The following LRP2 variants were observed in gnomAD, a reference collection of about 807,000 sequenced individuals.
LRP2 encodes the protein low-density lipoprotein receptor-related protein 2.
Under a neutral mutation model 531.0 loss-of-function variants are expected in LRP2, and 172 were observed. The ratio of observed to expected loss-of-function variants is 0.32; its 90% CI spans 0.29 to 0.37. LRP2 has a LOEUF of 0.37. Among genes scored for constraint, LRP2 ranks in the 10% least tolerant of loss-of-function variants. LRP2 has a pLI of 1.00. For synonymous variants in LRP2, 1,992 were observed against 2,027.6 expected (o/e 0.98, Z 0.47); for missense variants, 5,167 against 5,868.3 (o/e 0.88, Z 3.90).
Position 169,275,107 on chromosome 2 carries a change from G to T in LRP2, c.1904C>A (p.Pro635Gln). ...CAGGGAAGCCTGGTAGTACACTTGT[G>T]GGTTGGTCTCTGTGAACTTGTTTGC... ...LKANKFTETN[P>Q]QVYYQASLRP... Residue 635 changes from proline to glutamine, a missense_variant, in exon 14 of 79, where the codon CCA becomes CAA. Coordinates refer to ENST00000649046, the MANE Select transcript of LRP2 (RefSeq NM_004525.3). 1 of 1,613,762 alleles carries T rather than the reference G, an allele frequency of 6.2e-7. No individual in the cohort carries two copies. Among genetic ancestry groups the T allele is most frequent in the Non-Finnish European group, 8.5e-7 (1 of 1,179,856 alleles).
intron 13 of LRP2, among the ~76,000 whole-genome samples, chr2:169,275,625 G>A (rs554263890): frequency 6.6e-6 from 1 of 152,144 alleles, no homozygotes; most frequent in Non-Finnish European, 1.5e-5. Context: ...TTGGAAGTCT[G>A]GGAAAAGATG....
At chr2:169,323,152 T>C (rs1684948831) in intron 1 of LRP2, among the ~76,000 whole-genome samples, 1 of 152,228 alleles carries the variant, frequency 6.6e-6, no homozygotes, top group African/African-American at 2.4e-5. Flanking sequence ...CTAATTTTTA[T>C]AGGTAGTGAT....
At chr2:169,360,973 G>A (rs915295565) in intron 1 of LRP2, among the ~76,000 whole-genome samples, 1 of 152,146 alleles carries the variant, frequency 6.6e-6, no homozygotes, top group Non-Finnish European at 1.5e-5. Flanking sequence ...TCACTCCTCC[G>A]TAAATGGGGG....
At chr2:169,280,307 T>C (rs1475991834) in intron 11 of LRP2, 43 bp downstream of exon 11, 4 of 1,610,898 alleles carry the variant, frequency 2.5e-6, no homozygotes, top group South Asian at 1.1e-5. Flanking sequence ...CTATCAACAC[T>C]TTGTGCTCAG....
chr2:169,159,947 C>T (rs1002529956), intron 63 of LRP2, among the ~76,000 whole-genome samples: 22 of 152,154 alleles, frequency 1.4e-4, no homozygotes, highest in African/African-American at 5.3e-4. Context: ...AGAAACCACA[C>T]GACACTGTAG....
chr2:169,347,600 AG>A (rs1009868473), intron 1 of LRP2, among the ~76,000 whole-genome samples: 5 of 151,602 alleles, frequency 3.3e-5, no homozygotes, highest in African/African-American at 1.2e-4. Context: ...AAAAAAAAAA[AG>A]GTGTTCCCAG....
intron 32 of LRP2, 120 bp downstream of exon 32, chr2:169,226,302 A>T: frequency 2.5e-6 from 2 of 815,564 alleles, no homozygotes; most frequent in African/African-American, 1.7e-5. Context: ...TTAGGGATAA[A>T]TTTATTTCCA....
At chr2:169,236,213 T>C (rs1478872343) in intron 28 of LRP2, 145 bp from the exon 29 acceptor site, 5 of 719,684 alleles carry the variant, frequency 6.9e-6, no homozygotes, top group Non-Finnish European at 1.2e-5. Context: ...AGTTTATTGT[T>C]TCCTCTAAGT....
At chr2:169,226,019 G>A (rs1181363314) in intron 32 of LRP2, among the ~76,000 whole-genome samples, 1 of 152,140 alleles carries the variant, frequency 6.6e-6, no homozygotes, top group African/African-American at 2.4e-5. Flanking sequence ...TTTATCTTGA[G>A]TTTTGATCAT....
intron 16 of LRP2, among the ~76,000 whole-genome samples, chr2:169,268,520 C>A (rs999834588): frequency 1.3e-5 from 2 of 152,166 alleles, no homozygotes; most frequent in Admixed American, 6.5e-5. Flanking sequence ...ATGATTATCT[C>A]AATAGATGCA....
chr2:169,229,015 C>T (rs886558723), intron 31 of LRP2, among the ~76,000 whole-genome samples: 2 of 152,196 alleles, frequency 1.3e-5, no homozygotes, highest in African/African-American at 2.4e-5. Context: ...TACTGAGTGC[C>T]ACCATGTACC....
intron 63 of LRP2, among the ~76,000 whole-genome samples, chr2:169,161,048 A>G (rs1208013726): frequency 6.6e-6 from 1 of 152,232 alleles, no homozygotes; most frequent in East Asian, 1.9e-4. Context: ...ACTAAGTCAC[A>G]GGCTCCTAGA....
At chr2:169,265,828 CCAG>C (rs1293075324) in intron 16 of LRP2, among the ~76,000 whole-genome samples, 6 of 151,838 alleles carry the variant, frequency 4.0e-5, no homozygotes, top group Non-Finnish European at 5.9e-5. Flanking sequence ...AACAGAAGTT[CCAG>C]CACAGGGGAG....
At chr2:169,328,272 G>C (rs1272911982) in intron 1 of LRP2, among the ~76,000 whole-genome samples, 2 of 116,730 alleles carry the variant, frequency 1.7e-5, no homozygotes, top group East Asian at 2.4e-4. Flanking sequence ...CAGCCGCCCC[G>C]TCCGGGAGGG....
At chr2:169,209,383 C>T in intron 38 of LRP2, 70 bp downstream of exon 38, 1 of 1,509,224 alleles carries the variant, frequency 6.6e-7, no homozygotes, top group Non-Finnish European at 9.2e-7. Context: ...TGGAGTTAGG[C>T]TAAACTTTCT....
rs141830741 is a variant in LRP2 at position 169,205,873 on chromosome 2, C to T, written c.7556+150G>A. On this transcript the variant is annotated intron_variant, in intron 40 of 78. Transcript: ENST00000649046. Reference sequence around the variant, plus strand: ...GCTATGCGCTGCACCCTCCTTCCCACGTAAAATCACTCAATATGCTTTCAT... The same window carrying T: ...GCTATGCGCTGCACCCTCCTTCCCATGTAAAATCACTCAATATGCTTTCAT... 1,125 of 1,138,672 alleles carry T rather than the reference C, an allele frequency of 9.9e-4. 20 individuals are homozygous for T. The East Asian group carries it at 0.019, about 20-fold the overall frequency. The allele number at this position is 1,138,672 out of a possible 1,614,324, so 70.5% of individuals were successfully genotyped here.
chr2:169,170,371 G>A (rs1193091130), intron 59 of LRP2, among the ~76,000 whole-genome samples, 180 bp downstream of exon 59: 1 of 152,214 alleles, frequency 6.6e-6, no homozygotes, highest in East Asian at 1.9e-4. Context: ...AATCTAGACT[G>A]CTATGAGTTA....
chr2:169,255,188 A>AT (rs1334166081), intron 19 of LRP2, among the ~76,000 whole-genome samples: 2 of 152,194 alleles, frequency 1.3e-5, no homozygotes, highest in Non-Finnish European at 2.9e-5. Flanking sequence ...TAAACAAAAC[A>AT]TGACCCCTCT....
At chr2:169,309,058 T>C (rs1016563646) in intron 3 of LRP2, among the ~76,000 whole-genome samples, 1 of 152,234 alleles carries the variant, frequency 6.6e-6, no homozygotes, top group Admixed American at 6.5e-5. Context: ...TTGCCCACTT[T>C]TTGATGGGGT....
Sources: allele counts gnomAD v4.1 joint callset (sites outside exome capture counted in the v4.1 genomes callset), GRCh38; gene constraint gnomAD v4.1.1; transcripts MANE v1.5; gene names NCBI Gene and HGNC (gene_info 2026-07-23, HGNC 2026-07-21).